The following GEN1 variants were observed in gnomAD, a reference collection of about 807,000 sequenced individuals.
GEN1 encodes flap endonuclease GEN homolog 1.
In GEN1, 64 loss-of-function variants were observed where a neutral mutation model predicts 67.6. That is an observed-to-expected ratio of 0.95 (90% CI 0.77 to 1.17). GEN1 has a LOEUF of 1.17. Ranked by LOEUF, GEN1 falls within the 50% of genes most tolerant of loss-of-function variation. GEN1 has a pLI of 0.00. For synonymous variants in GEN1, 371 were observed against 359.4 expected (o/e 1.03, Z -0.37); for missense variants, 1,058 against 1,048.3 (o/e 1.01, Z -0.13).
intron 2 of GEN1, among the ~76,000 whole-genome samples, chr2:17,760,376 T>C (rs1671618253): frequency 6.6e-6 from 1 of 152,252 alleles, no homozygotes; most frequent in East Asian, 1.9e-4. Flanking sequence ...TTGGGAGACA[T>C]TTTCTCCCTA....
In GEN1 at chr2:17,783,818, T is replaced by G. The variant is rs1434375029; in HGVS notation, c.*1879T>G. On this transcript the variant is annotated 3_prime_UTR_variant, in exon 14 of 14. Coordinates refer to ENST00000381254, the MANE Select transcript of GEN1 (RefSeq NM_001130009.3). ...CTATGTAAAAAAGAGTGACATTTGA[T>G]TCCTACTTCACATGATATTTAAGAA... 6.6e-6 allele frequency: 1 copy of G among 152,248 alleles called. No individual in the cohort carries two copies. The highest frequency in any genetic ancestry group is 1.5e-5 in the Non-Finnish European group (1 of 68,038). The allele number at this position is 152,248 out of a possible 1,614,324, so 9.4% of individuals were successfully genotyped here. A position where few individuals can be genotyped will look rare whatever the true frequency, so the allele number is the denominator to read the frequency against.
chr2:17,772,142 G>T (rs1672218578), intron 7 of GEN1, among the ~76,000 whole-genome samples: 1 of 152,032 alleles, frequency 6.6e-6, no homozygotes. Context: ...ATTTGTTCAT[G>T]TTCCAAGGAT....
chr2:17,784,800 T>C lies in GEN1; in HGVS notation c.*2861T>C, dbSNP rs1672999985. ...CCATCTAGACCAGGTAAATAAAATA[T>C]CTAGAGGCATTCTTGAGATTGTATG... is the stretch of plus-strand genomic sequence containing the variant. On this transcript the variant is annotated 3_prime_UTR_variant, in exon 14 of 14. Coordinates refer to ENST00000381254, the MANE Select transcript of GEN1 (RefSeq NM_001130009.3). 1.3e-5 allele frequency: 2 copies of C among 152,230 alleles called. No individual in the cohort carries two copies. Among genetic ancestry groups the C allele is most frequent in the South Asian group, 4.1e-4 (2 of 4,838 alleles). 9.4% of individuals were successfully genotyped at this position (152,230 alleles called of 1,614,324 possible). A position where few individuals can be genotyped will look rare whatever the true frequency, so the allele number is the denominator to read the frequency against.
At chr2:17,779,670 C>T (rs570209959) in intron 12 of GEN1, among the ~76,000 whole-genome samples, 10 of 151,668 alleles carry the variant, frequency 6.6e-5, no homozygotes, top group South Asian at 4.2e-4. Context: ...GGTGCGATCT[C>T]GGCTCACTGC....
At chr2:17,754,933 ATG>A (rs1558391623) in intron 1 of GEN1, 1 of 152,124 alleles carries the variant, frequency 6.6e-6, no homozygotes, top group African/African-American at 2.4e-5. Context: ...AACCCTTCCC[ATG>A]AATATGCTGA....
intron 3 of GEN1, among the ~76,000 whole-genome samples, chr2:17,762,450 G>T (rs1435510490): frequency 6.6e-6 from 1 of 151,724 alleles, no homozygotes; most frequent in Non-Finnish European, 1.5e-5. Flanking sequence ...TTCGTGATCC[G>T]CCTGCCTCGG....
chr2:17,779,922 T>G, intron 12 of GEN1, 56 bp from the exon 13 acceptor site: 3 of 1,436,354 alleles, frequency 2.1e-6, no homozygotes, highest in Non-Finnish European at 2.9e-6. Context: ...GCCTGACCGA[T>G]TGAATTTTTT....
intron 12 of GEN1, 126 bp downstream of exon 12, chr2:17,778,189 C>CACACACACATATGTGTATATATATGTAT (rs1558408587): frequency 6.2e-5 from 20 of 322,726 alleles, no homozygotes; most frequent in African/African-American, 4.4e-4. Flanking sequence ...TATATATATA[C>CACACACACATATGTGTATATATATGTAT]ACACACACAT....
intron 12 of GEN1, among the ~76,000 whole-genome samples, 183 bp downstream of exon 12, chr2:17,778,246 A>ATG (rs1672574181): frequency 7.6e-6 from 1 of 131,404 alleles, no homozygotes; most frequent in African/African-American, 3.1e-5. Context: ...GTGTACATAT[A>ATG]TGTATACACA....
intron 12 of GEN1, 139 bp downstream of exon 12, chr2:17,778,202 A>ATATATATGTATACACACAAATATG: frequency 4.5e-6 from 1 of 223,984 alleles, no homozygotes. Context: ...ACACACATAT[A>ATATATATGTATACACACAAATATG]TGTGTATATA....
chr2:17,780,687 C>T lies in GEN1; in HGVS notation c.1475C>T (p.Thr492Ile). 6.2e-7 allele frequency: 1 copy of T among 1,613,728 alleles called. No homozygotes were observed. The highest frequency in any genetic ancestry group is 2.2e-5 in the East Asian group (1 of 44,840). Residue 492 changes from threonine to isoleucine, a missense_variant, in exon 14 of 14, where the codon ACT becomes ATT. Thr to Ile is a moderately conservative substitution (Grantham distance 89). Coordinates refer to ENST00000381254, the MANE Select transcript of GEN1 (RefSeq NM_001130009.3). ...GTAATGAGCTTTCAGTCACACATGA[C>T]TTTAAAACCCACATGTGAAATCTTT... ...DEVMSFQSHM[T>I]LKPTCEIFHK...
chr2:17,773,591 T>C (rs527459825), intron 10 of GEN1, among the ~76,000 whole-genome samples: 2 of 152,172 alleles, frequency 1.3e-5, no homozygotes, highest in East Asian at 3.9e-4. Flanking sequence ...AATGTTAAGA[T>C]CAAGTATATA....
chr2:17,768,413 A>G (rs1397917995), intron 5 of GEN1, among the ~76,000 whole-genome samples: 1 of 152,234 alleles, frequency 6.6e-6, no homozygotes, highest in Non-Finnish European at 1.5e-5. Context: ...TTATCCAAAT[A>G]ATTAACATAG....
At position 17,773,129 on chromosome 2, in the gene GEN1, T is replaced by G; in HGVS notation, c.987T>G (p.His329Gln). The G allele has an allele frequency of 6.3e-7, 1 of 1,582,258 alleles. No homozygotes were observed. Among genetic ancestry groups the G allele is most frequent in the Non-Finnish European group, 8.7e-7 (1 of 1,153,924 alleles). The change falls in exon 9 of 14, where the codon CAT (histidine) becomes CAG (glutamine). Residue 329 changes from histidine to glutamine, a missense_variant. Coordinates refer to ENST00000381254, the MANE Select transcript of GEN1 (RefSeq NM_001130009.3). ...KACCCEGFPF[H>Q]EVIQEFLLNK... ...GCTGTTGTGAGGGATTCCCATTCCATGAGGTAATATCCAGTAATTCAACTC... is the reference window on the plus strand; with the variant it reads ...GCTGTTGTGAGGGATTCCCATTCCAGGAGGTAATATCCAGTAATTCAACTC...
At chr2:17,767,741 ATAGCTATAT>A (rs1380012698) in intron 5 of GEN1, among the ~76,000 whole-genome samples, 1 of 152,250 alleles carries the variant, frequency 6.6e-6, no homozygotes, top group African/African-American at 2.4e-5. Context: ...TGCATTAGCC[ATAGCTATAT>A]TGACCTTTTG....
Position 17,778,253 on chromosome 2 carries a change from CACACATATGTGTGTACATATATGTATAT to C in GEN1, c.1264+196_1264+223del, listed in dbSNP as rs1558408911. The stretch of plus-strand genomic sequence containing the variant: ...ATATATGTGTGTACATATATGTATA[CACACATATGTGTGTACATATATGTATAT>C]ACACACACATGTGTGTGTACATATA... On this transcript the variant is annotated intron_variant, in intron 12 of 13. Transcript: ENST00000381254. 3.3e-5 allele frequency among the ~76,000 whole-genome samples: 4 copies of C among 121,354 alleles called. 1 individual carries two copies. Among genetic ancestry groups the C allele is most frequent in the African/African-American group, 1.3e-4 (4 of 30,384 alleles). The allele number at this position is 121,354 out of a possible 152,430, so 79.6% of individuals were successfully genotyped here.
intron 6 of GEN1, 99 bp from the exon 7 acceptor site, chr2:17,771,097 A>G: frequency 1.3e-6 from 1 of 750,918 alleles, no homozygotes. Flanking sequence ...GAAAATAATT[A>G]GGTAGGTGAA....
At chr2:17,772,087 T>C (rs1672216670) in intron 7 of GEN1, among the ~76,000 whole-genome samples, 1 of 152,064 alleles carries the variant, frequency 6.6e-6, no homozygotes, top group Non-Finnish European at 1.5e-5. Flanking sequence ...AATCACACTT[T>C]GCTTTTAAAG....
rs1672613159 is a variant in GEN1, at chr2:17,778,323, CGTGTACATAT to C, written c.1264+261_1264+270del. On this transcript the variant is annotated intron_variant, in intron 12 of 13. Coordinates refer to ENST00000381254, the MANE Select transcript of GEN1 (RefSeq NM_001130009.3). ...GTACATATATGTATATACACACACA[CGTGTACATAT>C]ATGTATACACACACATGTGTGTACA... Among the ~76,000 whole-genome samples, 7 of 30,870 alleles carry C rather than the reference CGTGTACATAT, an allele frequency of 2.3e-4. 2 individuals carry two copies. Among genetic ancestry groups the C allele is most frequent in the Admixed American group, 4.8e-4 (1 of 2,068 alleles). The allele number at this position is 30,870 out of a possible 152,430, so 20.3% of individuals were successfully genotyped here.
Sources: allele counts gnomAD v4.1 joint callset (sites outside exome capture counted in the v4.1 genomes callset), GRCh38; gene constraint gnomAD v4.1.1; transcripts MANE v1.5; gene names NCBI Gene and HGNC (gene_info 2026-07-23, HGNC 2026-07-21).